LARP4B: variants seen among roughly 807,000 people sequenced by gnomAD.
LARP4B encodes the protein La ribonucleoprotein 4B, also known as la-related protein 4B.
In LARP4B, 12 loss-of-function variants were observed where a neutral mutation model predicts 89.8. That is an observed-to-expected ratio of 0.13 (90% CI 0.09 to 0.22). The LOEUF (loss-of-function observed/expected upper bound fraction) is 0.22, where lower values mean the gene tolerates loss of function less well. Ranked by LOEUF, LARP4B falls within the 10% of genes least tolerant of loss-of-function variation. The pLI is 1.00. For missense variants in LARP4B, 757 were observed against 947.7 expected, an observed-to-expected ratio of 0.80 and a Z score of 2.64; for synonymous variants, 367 against 363.3, an observed-to-expected ratio of 1.01 and a Z score of -0.12.
rs1490696532 is a variant in LARP4B at position 911,848 on chromosome 10, T to A, written c.-40+19580A>T. On this transcript the variant is annotated intron_variant, in intron 1 of 17. Coordinates refer to ENST00000316157, the MANE Select transcript of LARP4B (RefSeq NM_015155.3). ...TGAGAGAGACCCTGACTTTTGTGTG[T>A]GCAATGGCGGACAAGTCACTGGTGA... Among the ~76,000 whole-genome samples the A allele has an allele frequency of 2.0e-5, 3 of 152,224 alleles. No individual in the cohort carries two copies. In the East Asian group the frequency reaches 5.8e-4, roughly 29 times the overall value.
intron 1 of LARP4B, among the ~76,000 whole-genome samples, chr10:886,437 T>C (rs746986728): frequency 6.6e-6 from 1 of 152,210 alleles, no homozygotes; most frequent in Non-Finnish European, 1.5e-5. Flanking sequence ...TACCATATTA[T>C]CCTTTCTGAG....
chr10:933,483 A>G (rs1282377375), upstream of LARP4B, among the ~76,000 whole-genome samples: 1 of 152,196 alleles, frequency 6.6e-6, no homozygotes, highest in Admixed American at 6.5e-5. Flanking sequence ...CCGGCTTCCC[A>G]TAGTGGGTAG....
upstream of LARP4B, among the ~76,000 whole-genome samples, chr10:935,818 A>G (rs890125842): frequency 6.7e-6 from 1 of 148,546 alleles, no homozygotes; most frequent in Non-Finnish European, 1.5e-5. Flanking sequence ...TACCGAGTTC[A>G]AGTGATTCTC....
chr10:860,121 T>TG (rs1834520426), intron 5 of LARP4B, among the ~76,000 whole-genome samples: 1 of 6,350 alleles, frequency 1.6e-4, no homozygotes, highest in South Asian at 6.8e-3. Flanking sequence ...CATGCATGTG[T>TG]GGGGGTGGGG....
chr10:900,810 T>A (rs527826855), intron 1 of LARP4B, among the ~76,000 whole-genome samples: 49 of 151,082 alleles, frequency 3.2e-4, no homozygotes, highest in African/African-American at 1.0e-3. Flanking sequence ...AGAGAGACGA[T>A]GTTTCACCAC....
Position 810,190 on chromosome 10 carries a change from G to T in LARP4B, c.*2736C>A, listed in dbSNP as rs538393259. The T allele has an allele frequency of 6.6e-6, 1 of 151,454 alleles. No individual in the cohort carries two copies. Among genetic ancestry groups the T allele is most frequent in the East Asian group, 1.9e-4 (1 of 5,158 alleles). The allele number at this position is 151,454 out of a possible 1,614,324, so 9.4% of individuals were successfully genotyped here. A position where few individuals can be genotyped will look rare whatever the true frequency, so the allele number is the denominator to read the frequency against. ...GGGTGTTAACTTAAAAAAAAAAAAA[G>T]TATGAAAGCCACTCTCATCGCTGTA... On this transcript the variant is annotated 3_prime_UTR_variant, in exon 18 of 18. Transcript: ENST00000316157.
At chr10:927,344 T>C (rs1370384166) in intron 1 of LARP4B, among the ~76,000 whole-genome samples, 1 of 152,172 alleles carries the variant, frequency 6.6e-6, no homozygotes, top group Non-Finnish European at 1.5e-5. Flanking sequence ...ATTTTCCTTG[T>C]TCCTAAGGAA....
At chr10:983,214 T>C in the LARP4B span, among the ~76,000 whole-genome samples, 1 of 152,390 alleles carries the variant, frequency 6.6e-6, no homozygotes, top group African/African-American at 2.4e-5. Flanking sequence ...CAGATAACTC[T>C]GTTATTCTCA....
At chr10:871,579 G>A (rs748993294) in intron 3 of LARP4B, among the ~76,000 whole-genome samples, 8 of 152,094 alleles carry the variant, frequency 5.3e-5, no homozygotes, top group Non-Finnish European at 1.0e-4. Flanking sequence ...CCTCACCTCT[G>A]TCTGGCAGCA....
intron 5 of LARP4B, among the ~76,000 whole-genome samples, chr10:851,935 G>A (rs925060550): frequency 7.9e-5 from 12 of 152,058 alleles, no homozygotes; most frequent in African/African-American, 2.7e-4. Context: ...GCGTGGTGGT[G>A]TGCTACTGTA....
intron 1 of LARP4B, among the ~76,000 whole-genome samples, chr10:909,312 A>G (rs1836600835): frequency 6.7e-6 from 1 of 148,526 alleles, no homozygotes; most frequent in South Asian, 2.1e-4. Context: ...AAAAAAAAAA[A>G]GGAAATTCCA....
chr10:928,528 T>C (rs1034245287), intron 1 of LARP4B, among the ~76,000 whole-genome samples: 1 of 152,212 alleles, frequency 6.6e-6, no homozygotes, highest in Non-Finnish European at 1.5e-5. Flanking sequence ...TAGCTGCAGC[T>C]ACCTGAAGGC....
At chr10:874,539 G>A (rs1419517756) in intron 3 of LARP4B, among the ~76,000 whole-genome samples, 1 of 152,204 alleles carries the variant, frequency 6.6e-6, no homozygotes, top group African/African-American at 2.4e-5. Flanking sequence ...GTCCCTAACT[G>A]TGGACTCACA....
At chr10:940,732 C>T in the LARP4B span, among the ~76,000 whole-genome samples, 3 of 152,138 alleles carry the variant, frequency 2.0e-5, no homozygotes, top group African/African-American at 4.8e-5. Context: ...GGGAGAAGTG[C>T]GGGAGCGCAG....
chr10:975,397 T>C, the LARP4B span, among the ~76,000 whole-genome samples: 1 of 152,216 alleles, frequency 6.6e-6, no homozygotes, highest in Non-Finnish European at 1.5e-5. Flanking sequence ...TAAGCGTCTG[T>C]TGAATTCAGT....
At chr10:853,904 C>T (rs114600882) in intron 5 of LARP4B, among the ~76,000 whole-genome samples, 2 of 152,148 alleles carry the variant, frequency 1.3e-5, no homozygotes, top group African/African-American at 2.4e-5. Context: ...TTCTCTGCAG[C>T]GTGTGATGCT....
At chr10:954,419 C>T in the LARP4B span, among the ~76,000 whole-genome samples, 2 of 152,126 alleles carry the variant, frequency 1.3e-5, no homozygotes, top group African/African-American at 2.4e-5. This position sits in a 1 kb window ranked among gnomAD's most constrained non-coding sequence, Gnocchi z 5.0. Context: ...AGGACATCTG[C>T]GGCAGTGGTG....
chr10:844,879 G>A lies in LARP4B; in HGVS notation c.509+98C>T. ...TTCATATACATATATATGGATATGA[G>A]TAGATACTCCTTCATAAAATATCAC... On this transcript the variant is annotated intron_variant, in intron 6 of 17. Coordinates refer to ENST00000316157, the MANE Select transcript of LARP4B (RefSeq NM_015155.3). 13 of 823,824 alleles carry A rather than the reference G, an allele frequency of 1.6e-5. 1 individual carries two copies. In the South Asian group the frequency reaches 2.3e-4, roughly 14 times the overall value. The allele number at this position is 823,824 out of a possible 1,614,324, so 51.0% of individuals were successfully genotyped here.
intron 3 of LARP4B, among the ~76,000 whole-genome samples, chr10:871,389 C>T (rs750888591): frequency 1.3e-5 from 2 of 151,946 alleles, no homozygotes; most frequent in Non-Finnish European, 2.9e-5. Flanking sequence ...GTCCTCTGCA[C>T]CGTCCCCTGC....
Sources: allele counts gnomAD v4.1 joint callset (sites outside exome capture counted in the v4.1 genomes callset), GRCh38; gene constraint gnomAD v4.1.1; non-coding constraint Gnocchi (gnomAD v3.1); transcripts MANE v1.5; gene names NCBI Gene and HGNC (gene_info 2026-07-23, HGNC 2026-07-21).